The following COL4A4 variants were observed in gnomAD, a reference collection of about 807,000 sequenced individuals.
The protein encoded by COL4A4 is collagen alpha-4(IV) chain.
Under a neutral mutation model 192.9 loss-of-function variants are expected in COL4A4, and 105 were observed. The ratio of observed to expected loss-of-function variants is 0.54; its 90% CI spans 0.46 to 0.64. COL4A4 has a LOEUF of 0.64. Among genes scored for constraint, COL4A4 ranks in the 30% least tolerant of loss-of-function variants. The pLI is 0.00. For synonymous variants in COL4A4, 762 were observed against 769.9 expected, an observed-to-expected ratio of 0.99 and a Z score of 0.17; for missense variants, 1,967 against 2,169.3, an observed-to-expected ratio of 0.91 and a Z score of 1.85.
At chr2:227,103,621 C>G (rs1442269487) in intron 13 of COL4A4, among the ~76,000 whole-genome samples, 1 of 152,212 alleles carries the variant, frequency 6.6e-6, no homozygotes, top group African/African-American at 2.4e-5. Context: ...TTGTTACCTT[C>G]TCAATTATCA....
chr2:227,153,546 A>C (rs930415729), intron 1 of COL4A4, among the ~76,000 whole-genome samples: 1 of 152,192 alleles, frequency 6.6e-6, no homozygotes, highest in Non-Finnish European at 1.5e-5. Context: ...AAAGCAGCCC[A>C]ACCCAGAACT....
chr2:227,029,203 A>G (rs1967729474), intron 41 of COL4A4, among the ~76,000 whole-genome samples: 1 of 152,142 alleles, frequency 6.6e-6, no homozygotes, highest in African/African-American at 2.4e-5. Flanking sequence ...ACTGGTATTC[A>G]TATGGTGTTT....
chr2:227,048,926 G>T (rs1028527134), intron 34 of COL4A4, among the ~76,000 whole-genome samples: 1 of 152,140 alleles, frequency 6.6e-6, no homozygotes, highest in African/African-American at 2.4e-5. Flanking sequence ...GCCCACACAG[G>T]TCATGTTTGT....
At chr2:227,056,553 T>C (rs1471718353) in intron 29 of COL4A4, among the ~76,000 whole-genome samples, 1 of 152,190 alleles carries the variant, frequency 6.6e-6, no homozygotes, top group Non-Finnish European at 1.5e-5. Context: ...GGTTTTAATT[T>C]TTCAAGTGCG....
intron 40 of COL4A4, 145 bp from the exon 41 acceptor site, chr2:227,030,743 A>C: frequency 1.6e-6 from 1 of 623,080 alleles, no homozygotes; most frequent in East Asian, 2.8e-5. Context: ...GTCAATGATA[A>C]CAGAAATGAA....
intron 19 of COL4A4, among the ~76,000 whole-genome samples, chr2:227,097,696 G>A (rs2060277937): frequency 6.6e-6 from 1 of 152,208 alleles, no homozygotes; most frequent in Non-Finnish European, 1.5e-5. Context: ...TCCTGGGTCA[G>A]TTAGGCCAAG....
intron 1 of COL4A4, among the ~76,000 whole-genome samples, chr2:227,160,016 A>G (rs1410640835): frequency 6.6e-6 from 1 of 152,214 alleles, no homozygotes; most frequent in African/African-American, 2.4e-5. Flanking sequence ...CTTGACCTAG[A>G]TCTTAAAGCA....
At chr2:227,092,400 A>G (rs991502889) in intron 20 of COL4A4, among the ~76,000 whole-genome samples, 1 of 152,168 alleles carries the variant, frequency 6.6e-6, no homozygotes, top group African/African-American at 2.4e-5. Flanking sequence ...AGAAAGAGAG[A>G]GGATGGAGGA....
chr2:226,969,998 C>CT, the COL4A4 span, among the ~76,000 whole-genome samples: 1 of 123,020 alleles, frequency 8.1e-6, no homozygotes, highest in Non-Finnish European at 1.6e-5. Context: ...GTCCCCCCCC[C>CT]CTTAATTTTT....
rs1376782388 is a variant in COL4A4, at chr2:227,148,372, A to G, written c.-101-788T>C. On this transcript the variant is annotated intron_variant, in intron 1 of 47. Coordinates refer to ENST00000396625, the MANE Select transcript of COL4A4 (RefSeq NM_000092.5). ...TGCTACAGCATGAATGAATCTCGACAACATTGTGCCAAGTGAAAGAAGCCA... is the reference window on the plus strand; with the variant it reads ...TGCTACAGCATGAATGAATCTCGACGACATTGTGCCAAGTGAAAGAAGCCA... Among the ~76,000 whole-genome samples the G allele has an allele frequency of 2.0e-5, 3 of 152,262 alleles. No individual in the cohort carries two copies. In the East Asian group the frequency reaches 5.8e-4, roughly 29 times the overall value.
At position 227,022,066 on chromosome 2, in the gene COL4A4, T is replaced by C. The variant is rs749483911; in HGVS notation, c.4198A>G (p.Arg1400Gly). 10 of 1,613,888 alleles carry C rather than the reference T, an allele frequency of 6.2e-6. No homozygotes were observed. The highest frequency in any genetic ancestry group is 8.5e-6 in the Non-Finnish European group (10 of 1,179,904). Reference sequence around the variant, plus strand: ...CTCATACCTGGTCCTGAGGGGCCTCTCATTCCAGGGAGCCCCATGGCTCCT... The same window carrying C: ...CTCATACCTGGTCCTGAGGGGCCTCCCATTCCAGGGAGCCCCATGGCTCCT... Reference protein sequence around the residue: ...PEGAMGLPGMRGPSGPGCKGE... With the variant: ...PEGAMGLPGMGGPSGPGCKGE... Residue 1400 changes from arginine to glycine, a missense_variant, in exon 44 of 48, where the codon AGA becomes GGA. Arg to Gly is a moderately radical substitution (Grantham distance 125, BLOSUM62 -2). Coordinates refer to ENST00000396625, the MANE Select transcript of COL4A4 (RefSeq NM_000092.5).
intron 34 of COL4A4, among the ~76,000 whole-genome samples, chr2:227,047,969 C>G (rs1423727161): frequency 1.3e-5 from 2 of 152,182 alleles, no homozygotes; most frequent in African/African-American, 4.8e-5. Flanking sequence ...TATAAGGCAG[C>G]TCAACTCAGT....
intron 4 of COL4A4, among the ~76,000 whole-genome samples, chr2:227,139,682 G>A (rs899952757): frequency 7.2e-5 from 11 of 152,186 alleles, no homozygotes; most frequent in Admixed American, 4.6e-4. Flanking sequence ...ATAGAACAGT[G>A]CCTGGCACAT....
At chr2:227,102,262 C>A (rs2060564758) in intron 15 of COL4A4, among the ~76,000 whole-genome samples, 1 of 152,190 alleles carries the variant, frequency 6.6e-6, no homozygotes, top group African/African-American at 2.4e-5. Context: ...TTAATAGTTG[C>A]TCTGTGCATC....
At position 227,064,725 on chromosome 2, in the gene COL4A4, C is replaced by T. The variant is rs528545766; in HGVS notation, c.1988-2127G>A. 3.3e-5 allele frequency among the ~76,000 whole-genome samples: 5 copies of T among 152,336 alleles called. No homozygotes were observed. The East Asian group carries it at 5.8e-4, about 18-fold the overall frequency. On this transcript the variant is annotated intron_variant, in intron 25 of 47. Coordinates refer to ENST00000396625, the MANE Select transcript of COL4A4 (RefSeq NM_000092.5). ...TTACAAGCCAAAAGGGATTGGCATCCTATCTTCAACCTCCTTAAACAGAAC... is the reference window on the plus strand; with the variant it reads ...TTACAAGCCAAAAGGGATTGGCATCTTATCTTCAACCTCCTTAAACAGAAC...
chr2:227,157,486 A>C lies in COL4A4; in HGVS notation c.-102+6521T>G, dbSNP rs538653584. Among the ~76,000 whole-genome samples, 4 of 152,172 alleles carry C rather than the reference A, an allele frequency of 2.6e-5. No individual in the cohort carries two copies. In the East Asian group the frequency reaches 7.7e-4, roughly 29 times the overall value. On this transcript the variant is annotated intron_variant, in intron 1 of 47. Coordinates refer to ENST00000396625, the MANE Select transcript of COL4A4 (RefSeq NM_000092.5). Reference sequence around the variant, plus strand: ...AGAAAGCATTCAAACAGTAGAGAAAAATCAATGAAACCCAACATTAGTAGT... The same window carrying C: ...AGAAAGCATTCAAACAGTAGAGAAACATCAATGAAACCCAACATTAGTAGT...
intron 35 of COL4A4, among the ~76,000 whole-genome samples, chr2:227,045,837 C>T (rs76580309): frequency 0.39 from 15,879 of 40,964 alleles, 4,778 homozygotes; most frequent in African/African-American, 0.6. Flanking sequence ...TATATACACA[C>T]ATATATATAT....
intron 17 of COL4A4, among the ~76,000 whole-genome samples, chr2:227,100,439 TAAAA>T (rs58900104): frequency 1.3e-5 from 2 of 151,778 alleles, no homozygotes; most frequent in Non-Finnish European, 2.9e-5. Context: ...AAAAATATTT[TAAAA>T]AAAATAACAA....
rs7561575 is a variant in COL4A4, at chr2:227,094,411, G to A, written c.1205-122C>T. The A allele has an allele frequency of 3.8e-3, 3,544 of 922,408 alleles. 87 individuals carry two copies. In the African/African-American group the frequency reaches 0.052, roughly 13 times the overall value. 57.1% of individuals were successfully genotyped at this position (922,408 alleles called of 1,614,324 possible). ...AATTTTTTAAAGGGAAAGAGACGGA[G>A]CTGGAGGTCATTATGCTAAGTGAAA... On this transcript the variant is annotated intron_variant, in intron 19 of 47. Transcript: ENST00000396625.
Sources: gnomAD v4.1 joint callset for allele counts (sites outside exome capture counted in the v4.1 genomes callset) on GRCh38, gnomAD v4.1.1 for gene constraint, MANE v1.5 for transcripts, NCBI Gene and HGNC (gene_info 2026-07-23, HGNC 2026-07-21) for gene names.